CHRM3: variants seen among roughly 807,000 people sequenced by gnomAD.
The protein encoded by CHRM3 is muscarinic acetylcholine receptor M3.
A neutral mutation model predicts 41.8 loss-of-function variants in CHRM3; 11 were observed. The ratio of observed to expected loss-of-function variants is 0.26; its 90% CI spans 0.17 to 0.44. CHRM3 has a LOEUF of 0.44. CHRM3 is among the 20% of genes least tolerant of loss of function. The pLI is 1.00. For synonymous variants in CHRM3, 297 were observed against 301.4 expected, an observed-to-expected ratio of 0.99 and a Z score of 0.15; for missense variants, 571 against 745.4, an observed-to-expected ratio of 0.77 and a Z score of 2.72.
intron 3 of CHRM3, among the ~76,000 whole-genome samples, chr1:239,590,131 C>T (rs962876379): frequency 6.6e-6 from 1 of 152,082 alleles, no homozygotes; most frequent in Non-Finnish European, 1.5e-5. Context: ...AGTCTGTCTC[C>T]TTTCTTCTCA....
chr1:239,682,054 C>A (rs1039647998), intron 5 of CHRM3, among the ~76,000 whole-genome samples: 3 of 152,146 alleles, frequency 2.0e-5, no homozygotes, highest in Non-Finnish European at 4.4e-5. Flanking sequence ...AAAAAAACAG[C>A]TGATCTTTTA....
chr1:239,779,805 C>G (rs1196995751), intron 5 of CHRM3, among the ~76,000 whole-genome samples: 1 of 152,246 alleles, frequency 6.6e-6, no homozygotes, highest in Non-Finnish European at 1.5e-5. Context: ...TCCCTGCACC[C>G]TAACCTCTGG....
intron 6 of CHRM3, among the ~76,000 whole-genome samples, chr1:239,884,477 C>G (rs1480103242): frequency 6.6e-6 from 1 of 152,142 alleles, no homozygotes; most frequent in Non-Finnish European, 1.5e-5. Flanking sequence ...GTGAGAGAAT[C>G]CATTTCTATT....
At chr1:239,881,047 A>G (rs904393038) in intron 6 of CHRM3, among the ~76,000 whole-genome samples, 29 of 151,866 alleles carry the variant, frequency 1.9e-4, no homozygotes, top group Non-Finnish European at 3.1e-4. Flanking sequence ...ACTTTGGGAG[A>G]CCGAGGTGGG....
At chr1:239,905,186 C>T (rs571106146) in intron 6 of CHRM3, among the ~76,000 whole-genome samples, 14 of 152,202 alleles carry the variant, frequency 9.2e-5, no homozygotes, top group African/African-American at 1.7e-4. Flanking sequence ...CTTAAGGAGG[C>T]GTGTGATGAT....
intron 5 of CHRM3, among the ~76,000 whole-genome samples, chr1:239,775,448 C>T (rs947572957): frequency 6.6e-6 from 1 of 152,130 alleles, no homozygotes; most frequent in East Asian, 1.9e-4. Flanking sequence ...GTTTAAAACA[C>T]ATATTTTCTT....
intron 3 of CHRM3, among the ~76,000 whole-genome samples, chr1:239,585,850 T>C (rs756704114): frequency 3.3e-5 from 5 of 152,166 alleles, no homozygotes; most frequent in Non-Finnish European, 1.5e-5. Flanking sequence ...AACAAATAGA[T>C]GAATATGCAC....
intron 1 of CHRM3, among the ~76,000 whole-genome samples, chr1:239,398,130 A>G (rs1236685204): frequency 6.6e-6 from 1 of 152,216 alleles, no homozygotes; most frequent in Non-Finnish European, 1.5e-5. Flanking sequence ...AGGAGACTGT[A>G]TCTTATGAAG....
intron 2 of CHRM3, among the ~76,000 whole-genome samples, chr1:239,526,561 G>C (rs2148298329): frequency 6.6e-6 from 1 of 152,250 alleles, no homozygotes; most frequent in South Asian, 2.1e-4. Flanking sequence ...CTTTAGCCAG[G>C]AAGACATCTG....
At chr1:239,578,741 C>T (rs1019496844) in intron 3 of CHRM3, among the ~76,000 whole-genome samples, 2 of 152,112 alleles carry the variant, frequency 1.3e-5, no homozygotes, top group Non-Finnish European at 2.9e-5. Context: ...TCAAAATCAC[C>T]TGAAGAGCAT....
chr1:239,908,569 G>A lies in CHRM3; in HGVS notation c.1118G>A (p.Gly373Asp). 1 of 1,591,332 alleles carries A rather than the reference G, an allele frequency of 6.3e-7. No homozygotes were observed. ...AIYSIVLKLP[G>D]HSTILNSTKL... ...TACTCCATCGTGCTCAAGCTTCCGG[G>A]TCACAGCACCATCCTCAACTCCACC... Residue 373 changes from glycine to aspartate, a missense_variant, in exon 7 of 7, where the codon GGT becomes GAT. By Grantham distance (94) the Gly-to-Asp change is moderately conservative. Coordinates refer to ENST00000676153, the MANE Select transcript of CHRM3 (RefSeq NM_001375978.1). The surrounding 1 kb of genome is among the most constrained non-coding windows in gnomAD (Gnocchi z 7.2).
At chr1:239,465,682 G>T (rs1255205054) in intron 1 of CHRM3, among the ~76,000 whole-genome samples, 2 of 152,162 alleles carry the variant, frequency 1.3e-5, no homozygotes, top group African/African-American at 4.8e-5. Context: ...ACATGATTTA[G>T]GTTCAGGTAA....
At chr1:239,406,242 G>T (rs1424617336) in intron 1 of CHRM3, among the ~76,000 whole-genome samples, 1 of 152,144 alleles carries the variant, frequency 6.6e-6, no homozygotes, top group Non-Finnish European at 1.5e-5. Flanking sequence ...GACTCCCTTG[G>T]TATTTTGACT....
At chr1:239,572,950 T>A (rs529831942) in intron 3 of CHRM3, among the ~76,000 whole-genome samples, 1 of 152,202 alleles carries the variant, frequency 6.6e-6, no homozygotes, top group Admixed American at 6.5e-5. Flanking sequence ...TCCAATATTC[T>A]GTTTCTTCTC....
intron 1 of CHRM3, among the ~76,000 whole-genome samples, chr1:239,457,089 T>C (rs1033618587): frequency 2.0e-5 from 3 of 152,160 alleles, no homozygotes; most frequent in African/African-American, 7.2e-5. Context: ...AGATGCATCT[T>C]TGACGTTTGC....
chr1:239,515,412 GT>G (rs66467909), intron 2 of CHRM3, among the ~76,000 whole-genome samples: 5,300 of 135,876 alleles, frequency 0.039, 161 homozygotes, highest in African/African-American at 0.085. Context: ...TGTTTTTTTT[GT>G]TTTTTTTTTT....
At chr1:239,569,412 C>A (rs1476679201) in intron 3 of CHRM3, among the ~76,000 whole-genome samples, 1 of 152,044 alleles carries the variant, frequency 6.6e-6, no homozygotes, top group Non-Finnish European at 1.5e-5. Context: ...CAGATGGCTG[C>A]TAAGAAAACC....
intron 3 of CHRM3, among the ~76,000 whole-genome samples, chr1:239,601,869 GC>G (rs1337917500): frequency 6.6e-6 from 1 of 151,336 alleles, no homozygotes; most frequent in Non-Finnish European, 1.5e-5. Flanking sequence ...ACTGTTTTCC[GC>G]CACAATAGTC....
chr1:239,635,761 G>T (rs751667167), intron 4 of CHRM3, among the ~76,000 whole-genome samples: 1 of 152,162 alleles, frequency 6.6e-6, no homozygotes, highest in Non-Finnish European at 1.5e-5. Flanking sequence ...TGAGGGCAGG[G>T]CCTTGTCTGT....
Sources: gnomAD v4.1 joint callset for allele counts (sites outside exome capture counted in the v4.1 genomes callset) on GRCh38, gnomAD v4.1.1 for gene constraint, Gnocchi (gnomAD v3.1) non-coding constraint, MANE v1.5 for transcripts, NCBI Gene and HGNC (gene_info 2026-07-23, HGNC 2026-07-21) for gene names.